Variants in OLFM3 observed in about 807,000 individuals in gnomAD.
The protein encoded by OLFM3 is noelin-3.
In OLFM3, 20 loss-of-function variants were observed where a neutral mutation model predicts 48.6. That is an observed-to-expected ratio of 0.41 (90% confidence interval 0.29 to 0.60). The LOEUF (loss-of-function observed/expected upper bound fraction) is 0.60, where lower values mean the gene tolerates loss of function less well. OLFM3 is among the 20% of genes least tolerant of loss of function. The pLI is 0.28. For missense variants in OLFM3, 437 were observed against 544.3 expected, an observed-to-expected ratio of 0.80 and a Z score of 1.96; for synonymous variants, 222 against 198.1, an observed-to-expected ratio of 1.12 and a Z score of -1.01.
chr1:101,839,815 A>G (rs1443535426), intron 1 of OLFM3, among the ~76,000 whole-genome samples: 1 of 152,228 alleles, frequency 6.6e-6, no homozygotes, highest in Non-Finnish European at 1.5e-5. Flanking sequence ...TAAAGACTCC[A>G]GACTTGTTTG....
At chr1:101,940,152 G>C (rs1162207938) in intron 1 of OLFM3, among the ~76,000 whole-genome samples, 1 of 152,048 alleles carries the variant, frequency 6.6e-6, no homozygotes, top group Non-Finnish European at 1.5e-5. Flanking sequence ...CTAATATTCT[G>C]AAGGGAGAAG....
chr1:101,882,331 AATATAT>A (rs200162567), intron 1 of OLFM3, among the ~76,000 whole-genome samples: 4 of 107,406 alleles, frequency 3.7e-5, no homozygotes, highest in South Asian at 2.5e-4. Flanking sequence ...ATATATATAT[AATATAT>A]ATATATATAT....
At chr1:101,940,621 T>C (rs1409452271) in intron 1 of OLFM3, among the ~76,000 whole-genome samples, 2 of 151,558 alleles carry the variant, frequency 1.3e-5, no homozygotes, top group East Asian at 3.9e-4. Context: ...TGGGTATGTG[T>C]GGTGGGTGGA....
intron 1 of OLFM3, among the ~76,000 whole-genome samples, chr1:101,843,758 A>G (rs1197778909): frequency 6.6e-6 from 1 of 152,088 alleles, no homozygotes; most frequent in Non-Finnish European, 1.5e-5. Context: ...TTTAAACTCT[A>G]TTTTTCCTGG....
intron 1 of OLFM3, among the ~76,000 whole-genome samples, chr1:101,892,716 A>T (rs1280427793): frequency 6.6e-6 from 1 of 152,010 alleles, no homozygotes; most frequent in Non-Finnish European, 1.5e-5. Flanking sequence ...AAGTTTAGCC[A>T]CCATTGTGGC....
chr1:101,993,031 TC>T (rs1378127834), intron 1 of OLFM3, among the ~76,000 whole-genome samples: 2 of 152,126 alleles, frequency 1.3e-5, no homozygotes, highest in Non-Finnish European at 2.9e-5. Flanking sequence ...TCAGCACGGT[TC>T]CCCTGATAGG....
chr1:101,915,003 T>C (rs1658875379), intron 1 of OLFM3, among the ~76,000 whole-genome samples: 1 of 152,114 alleles, frequency 6.6e-6, no homozygotes, highest in African/African-American at 2.4e-5. Context: ...CCTACTAAAG[T>C]ATGTATATTT....
chr1:101,898,475 T>C (rs953030467), intron 1 of OLFM3, among the ~76,000 whole-genome samples: 1 of 152,210 alleles, frequency 6.6e-6, no homozygotes, highest in African/African-American at 2.4e-5. Flanking sequence ...GACTTCTCCA[T>C]GTTTAAGGGG....
intron 1 of OLFM3, among the ~76,000 whole-genome samples, chr1:101,933,316 G>A (rs1373185654): frequency 1.3e-5 from 2 of 149,142 alleles, no homozygotes; most frequent in Non-Finnish European, 3.0e-5. Flanking sequence ...TTCAGAATAC[G>A]ATCACAAGTA....
chr1:101,854,110 A>G (rs1656327513), intron 1 of OLFM3, among the ~76,000 whole-genome samples: 1 of 152,072 alleles, frequency 6.6e-6, no homozygotes, highest in Non-Finnish European at 1.5e-5. Flanking sequence ...TATATCAAGT[A>G]TCATGTTGTA....
At chr1:101,975,055 G>T (rs1460556468) in intron 1 of OLFM3, among the ~76,000 whole-genome samples, 2 of 152,148 alleles carry the variant, frequency 1.3e-5, no homozygotes, top group Non-Finnish European at 2.9e-5. Flanking sequence ...TCAGTTCATG[G>T]TCTGTGGAGG....
At chr1:101,853,699 T>C (rs1656306931) in intron 1 of OLFM3, among the ~76,000 whole-genome samples, 2 of 152,112 alleles carry the variant, frequency 1.3e-5, no homozygotes, top group Non-Finnish European at 2.9e-5. Context: ...AGTGTGAATA[T>C]ACAGTACAGC....
chr1:101,969,362 T>C (rs1462786280), intron 1 of OLFM3, among the ~76,000 whole-genome samples: 2 of 151,794 alleles, frequency 1.3e-5, no homozygotes, highest in African/African-American at 4.8e-5. Flanking sequence ...AGGCAAGGTT[T>C]TGCCATGTTG....
At chr1:101,925,015 G>A (rs1258483036) in intron 1 of OLFM3, among the ~76,000 whole-genome samples, 1 of 152,066 alleles carries the variant, frequency 6.6e-6, no homozygotes, top group African/African-American at 2.4e-5. Context: ...TAAGAGACAT[G>A]AAATAAAATA....
At chr1:101,981,767 T>C (rs1243203715) in intron 1 of OLFM3, among the ~76,000 whole-genome samples, 4 of 152,214 alleles carry the variant, frequency 2.6e-5, no homozygotes, top group Non-Finnish European at 5.9e-5. Flanking sequence ...ATTATTTCCC[T>C]GTTAGCTAAT....
chr1:101,826,542 C>T (rs1175969099), intron 3 of OLFM3, among the ~76,000 whole-genome samples: 1 of 152,158 alleles, frequency 6.6e-6, no homozygotes, highest in Non-Finnish European at 1.5e-5. Context: ...ATAGCAGGAG[C>T]TCCCATTGCT....
intron 1 of OLFM3, among the ~76,000 whole-genome samples, chr1:101,896,034 A>T (rs1658189432): frequency 6.6e-6 from 1 of 151,230 alleles, no homozygotes; most frequent in Non-Finnish European, 1.5e-5. Flanking sequence ...GCTTATATCG[A>T]TTTATGTAAT....
At chr1:101,975,521 T>G (rs1164638654) in intron 1 of OLFM3, among the ~76,000 whole-genome samples, 1 of 152,120 alleles carries the variant, frequency 6.6e-6, no homozygotes, top group Non-Finnish European at 1.5e-5. Flanking sequence ...GGAACAGGGT[T>G]TTTTGGCAGC....
intron 1 of OLFM3, among the ~76,000 whole-genome samples, chr1:101,871,368 AGCCCCC>A (rs1657077844): frequency 6.6e-6 from 1 of 152,160 alleles, no homozygotes; most frequent in Non-Finnish European, 1.5e-5. Flanking sequence ...TTTATAAGAA[AGCCCCC>A]AGGTCATCAT....
Sources: allele counts gnomAD v4.1 joint callset (sites outside exome capture counted in the v4.1 genomes callset), GRCh38; gene constraint gnomAD v4.1.1; transcripts MANE v1.5; gene names NCBI Gene and HGNC (gene_info 2026-07-23, HGNC 2026-07-21).